Variants in CSNK1G1 observed in about 807,000 individuals in gnomAD.
CSNK1G1 encodes casein kinase I isoform gamma-1.
In CSNK1G1, 22 loss-of-function variants were observed where a neutral mutation model predicts 59.6. The ratio of observed to expected loss-of-function variants is 0.37; its 90% CI spans 0.26 to 0.53. The LOEUF is 0.53. Ranked by LOEUF, CSNK1G1 falls within the 20% of genes least tolerant of loss-of-function variation. The pLI, the probability that CSNK1G1 is intolerant of heterozygous loss-of-function variation, is 0.89. For synonymous variants in CSNK1G1, 179 were observed against 177.1 expected, an observed-to-expected ratio of 1.01 and a Z score of -0.08; for missense variants, 384 against 519.5, an observed-to-expected ratio of 0.74 and a Z score of 2.54.
intron 11 of CSNK1G1, among the ~76,000 whole-genome samples, chr15:64,179,685 G>A (rs906929230): frequency 6.6e-6 from 1 of 152,186 alleles, no homozygotes; most frequent in Admixed American, 6.5e-5. Context: ...TTCCACCCCA[G>A]ATTTTAAGAG....
intron 4 of CSNK1G1, among the ~76,000 whole-genome samples, chr15:64,232,502 C>T (rs1478439143): frequency 1.3e-5 from 2 of 152,164 alleles, no homozygotes; most frequent in Admixed American, 6.5e-5. Context: ...ATAATTCTGC[C>T]TTCTCATAAT....
chr15:64,351,007 A>G (rs1398279071), intron 1 of CSNK1G1, among the ~76,000 whole-genome samples: 1 of 152,164 alleles, frequency 6.6e-6, no homozygotes, highest in Non-Finnish European at 1.5e-5. Context: ...ATCATTCCAC[A>G]AATTCAAAAG....
intron 2 of CSNK1G1, among the ~76,000 whole-genome samples, chr15:64,263,695 G>A (rs1024945108): frequency 1.3e-5 from 2 of 152,020 alleles, no homozygotes; most frequent in Non-Finnish European, 2.9e-5. Flanking sequence ...CTTGTCTGGA[G>A]TGCTAAGTCA....
rs751461765 is a variant in CSNK1G1, at chr15:64,216,692, T to A, written c.314A>T (p.Tyr105Phe). The A allele has an allele frequency of 5.6e-6, 9 of 1,613,916 alleles. No homozygotes were observed. In the African/African-American group the frequency reaches 9.3e-5, roughly 17 times the overall value. Residue 105 changes from tyrosine (Y) to phenylalanine (F), a missense_variant, in exon 5 of 12, where the codon TAT becomes TTT. Tyr to Phe is a conservative substitution (Grantham distance 22, BLOSUM62 3). This residue lies in a region of CSNK1G1 where 325 missense variants were observed against 440.9 expected (regional missense o/e 0.74). Coordinates refer to ENST00000303052, the MANE Select transcript of CSNK1G1 (RefSeq NM_022048.5). This position sits in a 1 kb window ranked among gnomAD's most constrained non-coding sequence, Gnocchi z 4.6. ...GSAGEGLPQV[Y>F]YFGPCGKYNA... is the part of the protein sequence containing the mutation. ...ATATTTCCCACATGGTCCAAAGTAATACACCTGTGGGAGACCTTCACCTGA... is the reference window on the plus strand; with the variant it reads ...ATATTTCCCACATGGTCCAAAGTAAAACACCTGTGGGAGACCTTCACCTGA...
chr15:64,237,200 C>A (rs946711467), intron 4 of CSNK1G1, among the ~76,000 whole-genome samples: 2 of 152,102 alleles, frequency 1.3e-5, no homozygotes, highest in African/African-American at 4.8e-5. Flanking sequence ...GTGATGAATA[C>A]CCTACAAACC....
At chr15:64,321,502 G>A (rs1896563919) in intron 1 of CSNK1G1, among the ~76,000 whole-genome samples, 1 of 152,078 alleles carries the variant, frequency 6.6e-6, no homozygotes, top group Non-Finnish European at 1.5e-5. Context: ...GGATTCAAGC[G>A]ATCCTCCTGC....
At chr15:64,290,937 C>T (rs1266930581) in intron 2 of CSNK1G1, among the ~76,000 whole-genome samples, 2 of 152,088 alleles carry the variant, frequency 1.3e-5, no homozygotes, top group Non-Finnish European at 2.9e-5. Context: ...TGGTCTCCAA[C>T]TCCTGACCTC....
intron 10 of CSNK1G1, among the ~76,000 whole-genome samples, chr15:64,192,024 A>T (rs1276565975): frequency 6.6e-6 from 1 of 152,242 alleles, no homozygotes; most frequent in Non-Finnish European, 1.5e-5. Context: ...CAACTACAGC[A>T]GTCTGCTAGT....
intron 11 of CSNK1G1, among the ~76,000 whole-genome samples, chr15:64,174,646 C>T (rs902146334): frequency 2.0e-5 from 3 of 152,170 alleles, no homozygotes; most frequent in Admixed American, 6.5e-5. Flanking sequence ...GAGTCAAAAT[C>T]GATCCAAATC....
chr15:64,208,158 C>T (rs2082206467), intron 6 of CSNK1G1, among the ~76,000 whole-genome samples: 1 of 152,184 alleles, frequency 6.6e-6, no homozygotes, highest in Admixed American at 6.5e-5. Context: ...TCAATTTGTA[C>T]CATGTCCTAT....
intron 10 of CSNK1G1, among the ~76,000 whole-genome samples, chr15:64,182,295 A>G (rs2081829494): frequency 6.6e-6 from 1 of 150,648 alleles, no homozygotes; most frequent in Non-Finnish European, 1.5e-5. Context: ...CTAGTCTCGA[A>G]CTCCTGACCT....
At chr15:64,286,092 C>T (rs571276923) in intron 2 of CSNK1G1, among the ~76,000 whole-genome samples, 24 of 152,210 alleles carry the variant, frequency 1.6e-4, no homozygotes, top group African/African-American at 4.8e-4. Flanking sequence ...TTGTATGGTG[C>T]GGCTTCCTCT....
rs570331609 is a variant in CSNK1G1, at chr15:64,267,123, G to A, written c.182-7882C>T. ...ATACAAAAATTTAGCTGGGCGTGGTGGTGCACGCCTGTAATCCCAGTTACT... is the reference window on the plus strand; with the variant it reads ...ATACAAAAATTTAGCTGGGCGTGGTAGTGCACGCCTGTAATCCCAGTTACT... On this transcript the variant is annotated intron_variant, in intron 2 of 11. Transcript: ENST00000303052. Among the ~76,000 whole-genome samples the A allele has an allele frequency of 1.5e-3, 227 of 152,110 alleles. 1 individual carries two copies. The highest frequency in any genetic ancestry group is 5.2e-3 in the African/African-American group (215 of 41,526).
At chr15:64,286,020 C>A (rs546489594) in intron 2 of CSNK1G1, among the ~76,000 whole-genome samples, 1 of 152,144 alleles carries the variant, frequency 6.6e-6, no homozygotes, top group South Asian at 2.1e-4. Context: ...CTTAAGTCAC[C>A]CATGCTTTCC....
chr15:64,248,035 G>C (rs765985122), intron 4 of CSNK1G1, among the ~76,000 whole-genome samples: 11 of 152,166 alleles, frequency 7.2e-5, no homozygotes, highest in Non-Finnish European at 1.3e-4. Flanking sequence ...CAAAACACTA[G>C]TGAGTAAAAA....
rs143423673 is a variant in CSNK1G1, at chr15:64,252,371, C to T, written c.223-790G>A. Among the ~76,000 whole-genome samples the T allele has an allele frequency of 3.7e-4, 57 of 152,022 alleles. No individual in the cohort carries two copies. In the East Asian group the frequency reaches 0.011, roughly 29 times the overall value. On this transcript the variant is annotated intron_variant, in intron 3 of 11. Coordinates refer to ENST00000303052, the MANE Select transcript of CSNK1G1 (RefSeq NM_022048.5). ...GACCACAAGTGTGTGCCACCACTCA[C>T]AGCTAATTTTTAATTTTTTGTAGAG...
chr15:64,227,414 G>A (rs1399841275), intron 4 of CSNK1G1, among the ~76,000 whole-genome samples: 2 of 152,018 alleles, frequency 1.3e-5, no homozygotes. Context: ...CCCATATGTA[G>A]GTAAACAACT....
intron 2 of CSNK1G1, among the ~76,000 whole-genome samples, chr15:64,299,302 T>C (rs998059343): frequency 3.9e-5 from 6 of 151,934 alleles, no homozygotes; most frequent in Admixed American, 1.3e-4. Flanking sequence ...AAAAAGTATA[T>C]AAATGGCCGG....
intron 10 of CSNK1G1, chr15:64,182,052 C>CTTTTT (rs1567358672): frequency 8.4e-6 from 1 of 118,372 alleles, no homozygotes; most frequent in African/African-American, 4.1e-5. Context: ...ATTAGTAACC[C>CTTTTT]GTTTTTTTTT....
Sources: allele counts gnomAD v4.1 joint callset (sites outside exome capture counted in the v4.1 genomes callset), GRCh38; gene constraint gnomAD v4.1.1; regional missense constraint gnomAD v4.1.1; non-coding constraint Gnocchi (gnomAD v3.1); transcripts MANE v1.5; gene names NCBI Gene and HGNC (gene_info 2026-07-23, HGNC 2026-07-21).